STK3: variants seen among roughly 807,000 people sequenced by gnomAD.
STK3 encodes serine/threonine-protein kinase 3.
Under a neutral mutation model 58.0 loss-of-function variants are expected in STK3, and 41 were observed. The observed-to-expected ratio is 0.71, with a 90% CI of 0.55 to 0.92. The LOEUF is 0.92. STK3 is among the 40% of genes least tolerant of loss of function. The probability of loss-of-function intolerance (pLI) is 0.00; values close to 1 mark genes in which losing one functional copy is unlikely to be tolerated. For missense variants in STK3, 479 were observed against 602.7 expected (o/e 0.79, Z 2.15); for synonymous variants, 170 against 191.0 (o/e 0.89, Z 0.91).
downstream of STK3, chr8:98,881,035 C>T (rs1459230317): frequency 3.3e-5 from 5 of 152,168 alleles, no homozygotes; most frequent in Non-Finnish European, 5.9e-5. Flanking sequence ...TAATAAATAA[C>T]ATATTTATGC....
chr8:98,878,112 G>C (rs1044052722), intron 3 of STK3, among the ~76,000 whole-genome samples: 1 of 151,282 alleles, frequency 6.6e-6, no homozygotes, highest in Non-Finnish European at 1.5e-5. Flanking sequence ...GAGTGCAGTG[G>C]TGTGATCTCA....
intron 6 of STK3, among the ~76,000 whole-genome samples, chr8:98,693,546 T>C (rs1056520183): frequency 6.6e-6 from 1 of 152,050 alleles, no homozygotes; most frequent in African/African-American, 2.4e-5. Flanking sequence ...TAGATTATCC[T>C]GTAGAGCCCC....
chr8:98,706,547 CCACA>C lies in STK3; in HGVS notation c.600_603del (p.Cys200TrpfsTer12). 6.2e-7 allele frequency: 1 copy of C among 1,613,844 alleles called. No individual in the cohort carries two copies. Among genetic ancestry groups the C allele is most frequent in the Non-Finnish European group, 8.5e-7 (1 of 1,179,856 alleles). On this transcript the variant is annotated frameshift_variant, in exon 6 of 11. Coordinates refer to ENST00000419617, the MANE Select transcript of STK3 (RefSeq NM_006281.4). LOFTEE classifies it high-confidence loss of function. Reference sequence around the variant, plus strand: ...GTAATGCCAAGGGACCAGATGTCGGCCACACAGTTATAGCCTATTTCTTGAATCA... The same window carrying C: ...GTAATGCCAAGGGACCAGATGTCGGCCAGTTATAGCCTATTTCTTGAATCA...
intron 6 of STK3, among the ~76,000 whole-genome samples, chr8:98,636,685 T>G (rs1819645551): frequency 6.6e-6 from 1 of 152,138 alleles, no homozygotes; most frequent in South Asian, 2.1e-4. Context: ...AATTTGCATT[T>G]CAGGATGCCA....
chr8:98,807,508 T>A (rs1200224969), intron 1 of STK3, among the ~76,000 whole-genome samples: 1 of 152,094 alleles, frequency 6.6e-6, no homozygotes, highest in Admixed American at 6.6e-5. Flanking sequence ...TCCAGCCACC[T>A]CTGGCTCCCA....
At chr8:98,905,535 G>T in intron 1 of STK3, 1 of 1,051,774 alleles carries the variant, frequency 9.5e-7, no homozygotes, top group Non-Finnish European at 1.5e-6. Flanking sequence ...CTCAGCCGCC[G>T]TCTTGTCTTC....
chr8:98,684,989 A>T (rs1460971907), intron 6 of STK3, among the ~76,000 whole-genome samples: 1 of 152,158 alleles, frequency 6.6e-6, no homozygotes, highest in Non-Finnish European at 1.5e-5. Flanking sequence ...GTCTGTACAC[A>T]TGTGCATAAT....
intron 3 of STK3, among the ~76,000 whole-genome samples, chr8:98,753,096 A>G (rs903361140): frequency 6.6e-6 from 1 of 152,214 alleles, no homozygotes; most frequent in Non-Finnish European, 1.5e-5. Context: ...ATACCATTCA[A>G]CCTAGCAATC....
At chr8:98,564,166 G>A (rs968040980) in intron 8 of STK3, among the ~76,000 whole-genome samples, 9 of 151,736 alleles carry the variant, frequency 5.9e-5, no homozygotes, top group Non-Finnish European at 1.2e-4. Flanking sequence ...AATAAGCCTC[G>A]TCTCATCATT....
chr8:98,349,488 G>A, the STK3 span, among the ~76,000 whole-genome samples: 1 of 152,196 alleles, frequency 6.6e-6, no homozygotes, highest in Non-Finnish European at 1.5e-5. Context: ...TTCTGGCTCT[G>A]GAGGATGGTG....
At chr8:98,461,422 A>G (rs1819967050) in intron 10 of STK3, among the ~76,000 whole-genome samples, 1 of 152,070 alleles carries the variant, frequency 6.6e-6, no homozygotes, top group East Asian at 1.9e-4. Flanking sequence ...GTGGTTTGTA[A>G]TTTTTTATCA....
At chr8:98,758,084 T>G (rs535155328) in intron 3 of STK3, among the ~76,000 whole-genome samples, 1 of 152,322 alleles carries the variant, frequency 6.6e-6, no homozygotes, top group South Asian at 2.1e-4. Flanking sequence ...TACAGGCAAA[T>G]CTATAAGATA....
At chr8:98,488,226 CA>C (rs1374164338) in intron 10 of STK3, among the ~76,000 whole-genome samples, 2 of 152,130 alleles carry the variant, frequency 1.3e-5, no homozygotes, top group East Asian at 3.8e-4. Context: ...ATGGCTTCAT[CA>C]AATGACCTGT....
chr8:98,532,956 TG>T (rs1416978755), intron 9 of STK3, among the ~76,000 whole-genome samples: 3 of 152,176 alleles, frequency 2.0e-5, no homozygotes, highest in African/African-American at 4.8e-5. Flanking sequence ...TGTTTTTCTT[TG>T]TTTTTTTTAT....
chr8:98,682,466 T>C (rs994428954), intron 6 of STK3, among the ~76,000 whole-genome samples: 5 of 152,178 alleles, frequency 3.3e-5, no homozygotes, highest in African/African-American at 1.2e-4. Flanking sequence ...ATAAGTCACT[T>C]ACCGAAATGC....
intron 6 of STK3, among the ~76,000 whole-genome samples, chr8:98,624,319 T>C (rs924890653): frequency 2.6e-5 from 4 of 152,214 alleles, no homozygotes; most frequent in African/African-American, 7.2e-5. Flanking sequence ...GCTCTATCAG[T>C]GTAGCTGTGT....
chr8:98,938,383 A>C (rs1249792620), intron 1 of STK3, among the ~76,000 whole-genome samples: 1 of 152,240 alleles, frequency 6.6e-6, no homozygotes, highest in Non-Finnish European at 1.5e-5. Flanking sequence ...TTGACTTGGC[A>C]TAAGAAGACT....
intron 1 of STK3, among the ~76,000 whole-genome samples, chr8:98,817,664 GGATT>G (rs1186338528): frequency 1.3e-5 from 2 of 152,172 alleles, no homozygotes; most frequent in Admixed American, 6.5e-5. Flanking sequence ...ATAGGAGCCA[GGATT>G]GATTCTTTTT....
chr8:98,730,298 G>A (rs1468479234), intron 4 of STK3, among the ~76,000 whole-genome samples: 2 of 152,066 alleles, frequency 1.3e-5, no homozygotes, highest in East Asian at 1.9e-4. Flanking sequence ...TCTTCAGTCT[G>A]GAATTTCTTC....
Sources: gnomAD v4.1 joint callset for allele counts (sites outside exome capture counted in the v4.1 genomes callset) on GRCh38, gnomAD v4.1.1 for gene constraint, MANE v1.5 for transcripts, NCBI Gene and HGNC (gene_info 2026-07-23, HGNC 2026-07-21) for gene names.